The following NTNG1 variants were observed in gnomAD, a reference collection of about 807,000 sequenced individuals.
NTNG1 encodes the protein netrin-G1.
A neutral mutation model predicts 54.0 loss-of-function variants in NTNG1; 16 were observed. The ratio of observed to expected loss-of-function variants is 0.30; its 90% CI spans 0.20 to 0.45. The LOEUF is 0.45. Ranked by LOEUF, NTNG1 falls within the 20% of genes least tolerant of loss-of-function variation. The pLI is 1.00. For missense variants in NTNG1, 530 were observed against 678.7 expected (o/e 0.78, Z 2.43); for synonymous variants, 255 against 263.1 (o/e 0.97, Z 0.30).
intron 5 of NTNG1, among the ~76,000 whole-genome samples, chr1:107,428,582 C>T (rs17465581): frequency 1.3e-5 from 2 of 151,864 alleles, no homozygotes; most frequent in South Asian, 2.1e-4. Flanking sequence ...CCAGAGGAGG[C>T]GACCCAGGGG....
intron 7 of NTNG1, among the ~76,000 whole-genome samples, chr1:107,440,021 G>A (rs773774031): frequency 3.3e-5 from 5 of 151,892 alleles, no homozygotes; most frequent in Non-Finnish European, 7.4e-5. Flanking sequence ...TTTGGCCACA[G>A]TATTAGTAGA....
chr1:107,338,330 T>C (rs1008879795), intron 3 of NTNG1, among the ~76,000 whole-genome samples: 2 of 151,924 alleles, frequency 1.3e-5, no homozygotes, highest in African/African-American at 4.8e-5. Context: ...TGCCTAAATA[T>C]GTATAAAACA....
chr1:107,265,112 CT>C (rs1663645837), intron 2 of NTNG1, among the ~76,000 whole-genome samples: 2 of 152,258 alleles, frequency 1.3e-5, no homozygotes, highest in South Asian at 4.1e-4. Flanking sequence ...GTGATTGTGT[CT>C]TGTTTTCTCA....
At chr1:107,474,086 T>C (rs752974068) in intron 7 of NTNG1, among the ~76,000 whole-genome samples, 4 of 152,208 alleles carry the variant, frequency 2.6e-5, no homozygotes, top group Non-Finnish European at 5.9e-5. Flanking sequence ...TTTTCTGGTA[T>C]CTAAGGATCA....
At position 107,395,067 on chromosome 1, in the gene NTNG1, T is replaced by C. The variant is rs1672595547; in HGVS notation, c.888-87T>C. 1.1e-5 allele frequency: 11 copies of C among 1,003,674 alleles called. No individual in the cohort carries two copies. In the South Asian group the frequency reaches 1.6e-4, roughly 15 times the overall value. 62.2% of individuals were successfully genotyped at this position (1,003,674 alleles called of 1,614,324 possible). A position where few individuals can be genotyped will look rare whatever the true frequency, so the allele number is the denominator to read the frequency against. ...CTCTGTGTATCACTAAAGCACTGCA[T>C]GGTTTGAGGAGACAAATCAGGGAAG... On this transcript the variant is annotated intron_variant, in intron 3 of 7. Transcript: ENST00000370068.
At chr1:107,142,715 C>T (rs1220378649) in intron 1 of NTNG1, among the ~76,000 whole-genome samples, 2 of 147,896 alleles carry the variant, frequency 1.4e-5, no homozygotes, top group Non-Finnish European at 3.0e-5. Flanking sequence ...ATTAAAATCA[C>T]TTATTCAGAT....
intron 2 of NTNG1, among the ~76,000 whole-genome samples, chr1:107,233,291 G>C (rs546610752): frequency 6.6e-6 from 1 of 152,246 alleles, no homozygotes; most frequent in East Asian, 1.9e-4. Context: ...GTGCTTTGTA[G>C]ATTTCAGAAA....
chr1:107,325,010 C>A (rs1667869489), intron 3 of NTNG1, 88 bp downstream of exon 3: 2 of 1,325,490 alleles, frequency 1.5e-6, no homozygotes, highest in East Asian at 2.3e-5. Context: ...TGACATTTGT[C>A]AATTTCTACT....
At position 107,151,422 on chromosome 1, in the gene NTNG1, C is replaced by T. The variant is rs187948482; in HGVS notation, c.246+2583C>T. On this transcript the variant is annotated intron_variant, in intron 2 of 7. Coordinates refer to ENST00000370068, the MANE Select transcript of NTNG1 (RefSeq NM_001113226.3). ...TGTTATGACTTATGCGTTCTCCCCT[C>T]CTTGACGCTTGCATCCATACCTGCT... Among the ~76,000 whole-genome samples, 299 of 152,274 alleles carry T rather than the reference C, an allele frequency of 2.0e-3. 4 individuals are homozygous for T. The highest frequency in any genetic ancestry group is 2.6e-3 in the Non-Finnish European group (180 of 68,022).
chr1:107,392,130 TG>T (rs1672402348), intron 3 of NTNG1, among the ~76,000 whole-genome samples: 1 of 152,082 alleles, frequency 6.6e-6, no homozygotes, highest in Admixed American at 6.6e-5. Context: ...TGAATAAGTC[TG>T]AAGCCTGGGA....
At chr1:107,213,640 G>C (rs763865599) in intron 2 of NTNG1, among the ~76,000 whole-genome samples, 1 of 152,110 alleles carries the variant, frequency 6.6e-6, no homozygotes, top group South Asian at 2.1e-4. Context: ...CTGGGGCAGA[G>C]TCAGAAATAC....
intron 3 of NTNG1, among the ~76,000 whole-genome samples, chr1:107,361,943 G>T (rs2100953357): frequency 6.6e-6 from 1 of 152,250 alleles, no homozygotes; most frequent in Non-Finnish European, 1.5e-5. Flanking sequence ...CAGGGTCCAT[G>T]GAGTACTCAG....
chr1:107,179,989 A>G (rs535244422), intron 2 of NTNG1, among the ~76,000 whole-genome samples: 86 of 152,300 alleles, frequency 5.6e-4, no homozygotes, highest in Non-Finnish European at 8.8e-5. Context: ...GTGTACACAC[A>G]GGAGCCTTAA....
At chr1:107,400,304 T>C (rs1258722746) in intron 4 of NTNG1, among the ~76,000 whole-genome samples, 1 of 152,186 alleles carries the variant, frequency 6.6e-6, no homozygotes, top group East Asian at 1.9e-4. Flanking sequence ...ATTGATAATG[T>C]GTGTAGATTT....
At chr1:107,285,753 T>A (rs1665154504) in intron 2 of NTNG1, among the ~76,000 whole-genome samples, 1 of 152,124 alleles carries the variant, frequency 6.6e-6, no homozygotes. Context: ...TTTAGAAATC[T>A]GACTTTTGCA....
At chr1:107,421,147 G>A (rs1421431511) in intron 5 of NTNG1, 1 of 1,590,650 alleles carries the variant, frequency 6.3e-7, no homozygotes, top group East Asian at 2.2e-5. Flanking sequence ...AAGAGAGGTA[G>A]GAATTCTTGG....
intron 5 of NTNG1, among the ~76,000 whole-genome samples, chr1:107,424,338 G>A (rs1674751739): frequency 6.6e-6 from 1 of 152,094 alleles, no homozygotes; most frequent in Non-Finnish European, 1.5e-5. Context: ...TGAATTAGGA[G>A]GTGAGTGCTA....
chr1:107,252,969 G>A (rs1256405486), intron 2 of NTNG1, among the ~76,000 whole-genome samples: 4 of 152,306 alleles, frequency 2.6e-5, no homozygotes, highest in Non-Finnish European at 4.4e-5. Flanking sequence ...CTTTACTGGA[G>A]TAAGATATAT....
At chr1:107,208,200 C>T (rs1481400500) in intron 2 of NTNG1, among the ~76,000 whole-genome samples, 6 of 152,058 alleles carry the variant, frequency 3.9e-5, no homozygotes, top group Admixed American at 6.5e-5. Context: ...GAGGCCAAGA[C>T]GGGCTGATCA....
Sources: allele counts gnomAD v4.1 joint callset (sites outside exome capture counted in the v4.1 genomes callset), GRCh38; gene constraint gnomAD v4.1.1; transcripts MANE v1.5; gene names NCBI Gene and HGNC (gene_info 2026-07-23, HGNC 2026-07-21).